The following EPC2 variants were observed in gnomAD, a reference collection of about 807,000 sequenced individuals.
EPC2 encodes enhancer of polycomb homolog 2.
A neutral mutation model predicts 92.1 loss-of-function variants in EPC2; 14 were observed. The ratio of observed to expected loss-of-function variants is 0.15; its 90% confidence interval spans 0.10 to 0.24. The LOEUF (loss-of-function observed/expected upper bound fraction) is 0.24, where lower values mean the gene tolerates loss of function less well. Ranked by LOEUF, EPC2 falls within the 10% of genes least tolerant of loss-of-function variation. The probability of loss-of-function intolerance (pLI) is 1.00; values close to 1 mark genes in which losing one functional copy is unlikely to be tolerated. For missense variants in EPC2, 755 were observed against 971.5 expected (o/e 0.78, Z 2.96); for synonymous variants, 340 against 334.7 (o/e 1.02, Z -0.17).
chr2:148,654,833 G>T (rs980551167), intron 1 of EPC2, among the ~76,000 whole-genome samples: 1 of 152,120 alleles, frequency 6.6e-6, no homozygotes, highest in Non-Finnish European at 1.5e-5. Flanking sequence ...CACTTAATCC[G>T]TAGAGTAATA....
chr2:148,652,549 TTG>T (rs1381669238), intron 1 of EPC2, among the ~76,000 whole-genome samples: 2 of 152,188 alleles, frequency 1.3e-5, no homozygotes, highest in Admixed American at 6.5e-5. Context: ...GTTTTCTCAT[TTG>T]TGAAATAGAA....
chr2:148,718,293 G>C (rs999459009), intron 2 of EPC2, among the ~76,000 whole-genome samples: 5 of 152,120 alleles, frequency 3.3e-5, no homozygotes, highest in African/African-American at 1.2e-4. Context: ...CATGCTAGCT[G>C]GTTATTTTGC....
intron 6 of EPC2, among the ~76,000 whole-genome samples, chr2:148,763,102 C>T (rs1419640226): frequency 6.6e-6 from 1 of 152,110 alleles, no homozygotes; most frequent in African/African-American, 2.4e-5. Context: ...ATGCTATCTG[C>T]CTCCCTAGGG....
At chr2:148,757,169 G>A (rs1574625561) in intron 4 of EPC2, among the ~76,000 whole-genome samples, 1 of 152,078 alleles carries the variant, frequency 6.6e-6, no homozygotes, top group Non-Finnish European at 1.5e-5. Context: ...AAGGTCAGGA[G>A]TTCAAGATCA....
chr2:148,713,891 A>T (rs2105386070), intron 2 of EPC2, among the ~76,000 whole-genome samples: 1 of 152,272 alleles, frequency 6.6e-6, no homozygotes, highest in Admixed American at 6.5e-5. Context: ...TGCATTTGTC[A>T]GAATGTTTCT....
chr2:148,770,442 A>G (rs972747107), intron 8 of EPC2, among the ~76,000 whole-genome samples: 1 of 152,220 alleles, frequency 6.6e-6, no homozygotes, highest in Admixed American at 6.5e-5. Flanking sequence ...GTTTCTCAGT[A>G]GGAAGCCTAC....
chr2:148,779,833 G>GGACT (rs1174629440), intron 10 of EPC2, among the ~76,000 whole-genome samples: 9 of 152,118 alleles, frequency 5.9e-5, no homozygotes, highest in African/African-American at 2.2e-4. Flanking sequence ...CTGGACTTAA[G>GGACT]GACTGTTGTA....
At chr2:148,650,317 TAA>T (rs1680651832) in intron 1 of EPC2, among the ~76,000 whole-genome samples, 1 of 152,210 alleles carries the variant, frequency 6.6e-6, no homozygotes, top group Non-Finnish European at 1.5e-5. Context: ...CAGCATTTGA[TAA>T]AGTCTTCTTC....
At chr2:148,752,271 A>G (rs1476364882) in intron 3 of EPC2, among the ~76,000 whole-genome samples, 1 of 152,182 alleles carries the variant, frequency 6.6e-6, no homozygotes, top group Non-Finnish European at 1.5e-5. Flanking sequence ...AACATGTGAC[A>G]CATCACAGAA....
chr2:148,771,079 C>G lies in EPC2; in HGVS notation c.1412C>G (p.Pro471Arg), dbSNP rs778245242. 6.2e-7 allele frequency: 1 copy of G among 1,611,648 alleles called. No individual in the cohort carries two copies. Among genetic ancestry groups the G allele is most frequent in the Non-Finnish European group, 8.5e-7 (1 of 1,178,784 alleles). ...GACCGAATATCCACAGAACATGACC[C>G]AGTCCTGAAACAGATAGACCCTGAA... ...IMDRISTEHD[P>R]VLKQIDPEML... Residue 471 changes from proline to arginine, a missense_variant, in exon 10 of 14, where the codon CCA becomes CGA. Coordinates refer to ENST00000258484, the MANE Select transcript of EPC2 (RefSeq NM_015630.4).
chr2:148,718,414 T>C (rs1682300702), intron 2 of EPC2, among the ~76,000 whole-genome samples: 1 of 152,226 alleles, frequency 6.6e-6, no homozygotes, highest in Non-Finnish European at 1.5e-5. Context: ...CTTCAGGAGC[T>C]CTTGCAAGGC....
At chr2:148,755,430 G>A (rs781361808) in intron 4 of EPC2, among the ~76,000 whole-genome samples, 1 of 152,008 alleles carries the variant, frequency 6.6e-6, no homozygotes, top group Non-Finnish European at 1.5e-5. Context: ...ATACAGGCGT[G>A]AGAAGTAGGG....
chr2:148,663,721 T>G (rs1314512911), intron 1 of EPC2, among the ~76,000 whole-genome samples: 1 of 151,412 alleles, frequency 6.6e-6, no homozygotes, highest in Admixed American at 6.6e-5. Context: ...GGACCAGTTT[T>G]GTGGAAGATA....
Position 148,733,680 on chromosome 2 carries a change from G to A in EPC2, c.314-9942G>A, listed in dbSNP as rs115388271. On this transcript the variant is annotated intron_variant, in intron 2 of 13. Transcript: ENST00000258484. ...CCCCCAGCTGTTTTTTTGTAGTGAT[G>A]GAGTTTCACCATGTTGTCCAGGCTG... Among the ~76,000 whole-genome samples, 1,077 of 151,092 alleles carry A rather than the reference G, an allele frequency of 7.1e-3. 6 individuals are homozygous for A. Among genetic ancestry groups the A allele is most frequent in the African/African-American group, 0.025 (1,011 of 41,160 alleles).
chr2:148,691,625 T>G, intron 2 of EPC2: 1 of 1,549,826 alleles, frequency 6.5e-7, no homozygotes, highest in South Asian at 1.2e-5. Context: ...TGCCAGGCAT[T>G]TGGGGACACT....
At chr2:148,705,743 C>G (rs1681986027) in intron 2 of EPC2, among the ~76,000 whole-genome samples, 1 of 152,200 alleles carries the variant, frequency 6.6e-6, no homozygotes, top group African/African-American at 2.4e-5. Flanking sequence ...TCCAACAGAC[C>G]TGCAGCTGAG....
chr2:148,762,357 T>C (rs1338028357), intron 5 of EPC2: 2 of 206,254 alleles, frequency 9.7e-6, no homozygotes, highest in Non-Finnish European at 1.9e-5. Context: ...CCTACAAAAT[T>C]AAATAGACTA....
intron 1 of EPC2, among the ~76,000 whole-genome samples, chr2:148,651,904 T>TA: frequency 6.6e-6 from 1 of 152,258 alleles, no homozygotes; most frequent in Admixed American, 6.5e-5. Flanking sequence ...ATCATCCGTC[T>TA]AAAAAAGAAC....
At chr2:148,740,944 A>G (rs112744324) in intron 2 of EPC2, among the ~76,000 whole-genome samples, 10 of 152,254 alleles carry the variant, frequency 6.6e-5, no homozygotes, top group Non-Finnish European at 8.8e-5. Context: ...TTAGTAATCT[A>G]TGTAGTTTAT....
Sources: allele counts gnomAD v4.1 joint callset (sites outside exome capture counted in the v4.1 genomes callset), GRCh38; gene constraint gnomAD v4.1.1; transcripts MANE v1.5; gene names NCBI Gene and HGNC (gene_info 2026-07-23, HGNC 2026-07-21).